Variants in PICALM observed in about 807,000 individuals in gnomAD.
PICALM encodes the protein phosphatidylinositol-binding clathrin assembly protein.
In PICALM, 40 loss-of-function variants were observed where a neutral mutation model predicts 80.5. The observed-to-expected ratio is 0.50, with a 90% CI of 0.39 to 0.65. The LOEUF (loss-of-function observed/expected upper bound fraction) is 0.65, where lower values mean the gene tolerates loss of function less well. Ranked by LOEUF, PICALM falls within the 30% of genes least tolerant of loss-of-function variation. The pLI is 0.00. For missense variants in PICALM, 676 were observed against 778.9 expected (o/e 0.87, Z 1.57); for synonymous variants, 288 against 260.3 (o/e 1.11, Z -1.02).
At position 85,996,854 on chromosome 11, in the gene PICALM, A is replaced by C; in HGVS notation, c.1230T>G (p.Thr410=). 1 of 1,610,154 alleles carries C rather than the reference A, an allele frequency of 6.2e-7. No individual in the cohort carries two copies. Among genetic ancestry groups the C allele is most frequent in the South Asian group, 1.1e-5 (1 of 90,888 alleles). The change falls in exon 12 of 20, where the codon ACT becomes ACG. Residue 410 remains threonine (T), a synonymous_variant. Coordinates refer to ENST00000393346, the MANE Select transcript of PICALM (RefSeq NM_007166.4). ...TFHPSVHPMS[T]ASQVASTWGD... ...CCCATGTACTTGCTACCTGAGAAGC[A>C]GTTGACATAGGATGTACAGATGGGT...
chr11:86,052,059 GCT>G (rs2096198550), intron 1 of PICALM, among the ~76,000 whole-genome samples: 2 of 152,286 alleles, frequency 1.3e-5, no homozygotes, highest in East Asian at 1.9e-4. Flanking sequence ...AAACGGTTTG[GCT>G]CTGTGTCCCT....
Position 85,982,241 on chromosome 11 carries a change from T to G in PICALM, c.1517-238A>C. On this transcript the variant is annotated intron_variant, in intron 14 of 19. Coordinates refer to ENST00000393346, the MANE Select transcript of PICALM (RefSeq NM_007166.4). ...TCTCTTATCTCATGACAAAATTACATTAGGGTTAAAGGGGATAAGAGAGAA... is the reference window on the plus strand; with the variant it reads ...TCTCTTATCTCATGACAAAATTACAGTAGGGTTAAAGGGGATAAGAGAGAA... 6.7e-6 allele frequency: 3 copies of G among 450,924 alleles called. No homozygotes were observed. The South Asian group carries it at 7.2e-5, about 11-fold the overall frequency. The allele number at this position is 450,924 out of a possible 1,614,324, so 27.9% of individuals were successfully genotyped here. A position where few individuals can be genotyped will look rare whatever the true frequency, so the allele number is the denominator to read the frequency against.
rs970514073 is a variant in PICALM at position 86,048,833 on chromosome 11, G to A, written c.131-17222C>T. ...TCCTGGGGAGTAAGAGTGAAACTCC[G>A]TCTCAAAAAAAAAAAAAAAAAAAAA... On this transcript the variant is annotated intron_variant, in intron 1 of 19. Coordinates refer to ENST00000393346, the MANE Select transcript of PICALM (RefSeq NM_007166.4). 8.1e-5 allele frequency among the ~76,000 whole-genome samples: 6 copies of A among 74,516 alleles called. No homozygotes were observed. In the East Asian group the frequency reaches 9.9e-4, roughly 12 times the overall value. The allele number at this position is 74,516 out of a possible 152,430, so 48.9% of individuals were successfully genotyped here.
intron 12 of PICALM, among the ~76,000 whole-genome samples, chr11:85,991,910 C>T (rs1270953982): frequency 6.6e-6 from 1 of 152,138 alleles, no homozygotes; most frequent in East Asian, 1.9e-4. Flanking sequence ...AGGCAGACTG[C>T]AGTGGTACAA....
intron 1 of PICALM, among the ~76,000 whole-genome samples, chr11:86,063,538 A>C (rs544401088): frequency 6.6e-6 from 1 of 152,316 alleles, no homozygotes; most frequent in South Asian, 2.1e-4. Context: ...CCTCTTTTAA[A>C]ACACATACTG....
intron 19 of PICALM, among the ~76,000 whole-genome samples, chr11:85,960,133 AAT>A (rs1311923080): frequency 6.6e-6 from 1 of 152,198 alleles, no homozygotes; most frequent in Non-Finnish European, 1.5e-5. Flanking sequence ...GAGCCATAAA[AAT>A]ATTTTTCAAT....
intron 16 of PICALM, among the ~76,000 whole-genome samples, chr11:85,981,521 G>T (rs187078944): frequency 1.5e-4 from 23 of 152,074 alleles, no homozygotes; most frequent in African/African-American, 5.5e-4. Flanking sequence ...GCAGAAGAAC[G>T]GCGTGAATCC....
At chr11:86,022,293 ATAATCTAG>A (rs1187418319) in intron 4 of PICALM, 66 bp downstream of exon 4, 2 of 810,540 alleles carry the variant, frequency 2.5e-6, no homozygotes, top group Non-Finnish European at 3.9e-6. Flanking sequence ...TTCATAATTC[ATAATCTAG>A]TAACTCCTAT....
At chr11:85,968,233 G>A (rs780126169) in intron 19 of PICALM, among the ~76,000 whole-genome samples, 1 of 152,124 alleles carries the variant, frequency 6.6e-6, no homozygotes, top group Non-Finnish European at 1.5e-5. Context: ...TGAGGCTACA[G>A]TGAGCCATGA....
intron 1 of PICALM, among the ~76,000 whole-genome samples, chr11:86,061,870 G>GT (rs775945811): frequency 1.5e-4 from 23 of 152,006 alleles, no homozygotes; most frequent in Non-Finnish European, 2.8e-4. Context: ...ATGTCCTTCA[G>GT]TAAGTAAATG....
At chr11:86,003,305 G>T (rs2095196004) in intron 9 of PICALM, 61 bp downstream of exon 9, 7 of 902,620 alleles carry the variant, frequency 7.8e-6, no homozygotes, top group South Asian at 3.1e-5. Flanking sequence ...AACTTGAGCT[G>T]GTTTCATCTA....
At chr11:85,997,068 C>T (rs1330243226) in intron 11 of PICALM, 139 bp from the exon 12 acceptor site, 4 of 540,940 alleles carry the variant, frequency 7.4e-6, no homozygotes, top group Non-Finnish European at 1.3e-5. Context: ...AAAAGAGGAA[C>T]AGTTTCTTCA....
At chr11:86,051,426 G>A (rs1167913851) in intron 1 of PICALM, among the ~76,000 whole-genome samples, 1 of 152,092 alleles carries the variant, frequency 6.6e-6, no homozygotes, top group Non-Finnish European at 1.5e-5. Context: ...TTTGGGAGAT[G>A]GAGGTGGGCG....
chr11:86,035,532 T>G lies in PICALM; in HGVS notation c.131-3921A>C, dbSNP rs576267523. Among the ~76,000 whole-genome samples, 2 of 152,290 alleles carry G rather than the reference T, an allele frequency of 1.3e-5. 1 individual carries two copies. Among genetic ancestry groups the G allele is most frequent in the South Asian group, 4.1e-4 (2 of 4,828 alleles). On this transcript the variant is annotated intron_variant, in intron 1 of 19. Coordinates refer to ENST00000393346, the MANE Select transcript of PICALM (RefSeq NM_007166.4). ...ACCACAATCACTTAGCCAAACACAG[T>G]AATACATATAAAATTTAGTAATCCC... is the stretch of plus-strand genomic sequence containing the variant.
chr11:85,974,912 T>C, intron 18 of PICALM, 100 bp from the exon 19 acceptor site: 3 of 809,070 alleles, frequency 3.7e-6, no homozygotes, highest in Non-Finnish European at 6.5e-6. Context: ...CTAGTACCTT[T>C]GCTTGACTCA....
In PICALM at chr11:85,981,144, C is replaced by G. The variant is rs764924889; in HGVS notation, c.1764G>C (p.Trp588Cys). Reference sequence around the variant, plus strand: ...TTCAACTCACCATTGTTGCAGCATTCCAAGCGGTTGTTGGTGCAACCTTTG... The same window carrying G: ...TTCAACTCACCATTGTTGCAGCATTGCAAGCGGTTGTTGGTGCAACCTTTG... ...WQPKVAPTTAWNAATMAPPVM... is the reference protein window; with the variant it reads ...WQPKVAPTTACNAATMAPPVM... The change falls in exon 17 of 20, where the codon TGG becomes TGC. Residue 588 changes from tryptophan to cysteine, a missense_variant. By Grantham distance (215) the Trp-to-Cys change is radical. This residue lies in a region of PICALM where 391 missense variants were observed against 383.6 expected (regional missense o/e 1.02). Coordinates refer to ENST00000393346, the MANE Select transcript of PICALM (RefSeq NM_007166.4). The G allele has an allele frequency of 1.3e-5, 21 of 1,583,618 alleles. No individual in the cohort carries two copies. Among genetic ancestry groups the G allele is most frequent in the Non-Finnish European group, 1.8e-5 (21 of 1,152,640 alleles).
chr11:86,033,666 C>T (rs1263485667), intron 1 of PICALM, among the ~76,000 whole-genome samples: 1 of 152,206 alleles, frequency 6.6e-6, no homozygotes, highest in Non-Finnish European at 1.5e-5. Flanking sequence ...TGCCACTGAA[C>T]TCATCTTAAT....
chr11:86,048,316 A>T (rs1329217175), intron 1 of PICALM, among the ~76,000 whole-genome samples: 2 of 152,208 alleles, frequency 1.3e-5, no homozygotes, highest in African/African-American at 2.4e-5. Flanking sequence ...TTTCTAGGTT[A>T]GGCTACTACA....
chr11:86,063,389 C>T (rs2096398480), intron 1 of PICALM, among the ~76,000 whole-genome samples: 1 of 151,828 alleles, frequency 6.6e-6, no homozygotes, highest in African/African-American at 2.4e-5. Context: ...ATATAGATGC[C>T]CAAAGTCTTA....
Sources: gnomAD v4.1 joint callset for allele counts (sites outside exome capture counted in the v4.1 genomes callset) on GRCh38, gnomAD v4.1.1 for gene constraint, gnomAD v4.1.1 regional missense constraint, MANE v1.5 for transcripts, NCBI Gene and HGNC (gene_info 2026-07-23, HGNC 2026-07-21) for gene names.